GTF3C2: variants seen among roughly 807,000 people sequenced by gnomAD.
GTF3C2 encodes the protein general transcription factor 3C polypeptide 2.
A neutral mutation model predicts 117.4 loss-of-function variants in GTF3C2; 17 were observed. The ratio of observed to expected loss-of-function variants is 0.14; its 90% CI spans 0.10 to 0.22. GTF3C2 has a LOEUF of 0.22. GTF3C2 is among the 10% of genes least tolerant of loss of function. The probability of loss-of-function intolerance (pLI) is 1.00; values close to 1 mark genes in which losing one functional copy is unlikely to be tolerated. For missense variants in GTF3C2, 888 were observed against 1,143.6 expected, an observed-to-expected ratio of 0.78 and a Z score of 3.22; for synonymous variants, 437 against 427.0, an observed-to-expected ratio of 1.02 and a Z score of -0.29.
chr2:27,335,920 C>T, exon 9 of GTF3C2: 1 of 1,596,830 alleles, frequency 6.3e-7, no homozygotes. Flanking sequence ...GAAGTACCTT[C>T]CGAGGGGTGC....
At chr2:27,333,009 C>T (rs551711571) in intron 12 of GTF3C2, among the ~76,000 whole-genome samples, 9 of 151,892 alleles carry the variant, frequency 5.9e-5, no homozygotes, top group Middle Eastern at 3.4e-3. Context: ...CCACTGCACC[C>T]GGCAAAATTT....
chr2:27,335,751 TCA>T (rs1558615748), intron 9 of GTF3C2, 45 bp from the exon 10 acceptor site: 1 of 1,347,250 alleles, frequency 7.4e-7, no homozygotes, highest in East Asian at 2.5e-5. Context: ...TTCAGCTGAC[TCA>T]CAGAAAACCT....
At chr2:27,335,375 A>C in intron 10 of GTF3C2, 1 of 676,170 alleles carries the variant, frequency 1.5e-6, no homozygotes. Flanking sequence ...AGAGGGAAGA[A>C]GGGGGAGATA....
Position 27,337,576 on chromosome 2 carries a change from G to T in GTF3C2, c.951-18C>A. ...GCTCTCGGCTGGAGAAACAGAAGAA[G>T]CATTAATGAAGGAGAGGGATTCTAC... is the stretch of plus-strand genomic sequence containing the variant. On this transcript the variant is annotated intron_variant, in intron 5 of 18. Coordinates refer to ENST00000264720, the Ensembl canonical transcript of GTF3C2. 2 of 1,548,672 alleles carry T rather than the reference G, an allele frequency of 1.3e-6. No individual in the cohort carries two copies. Among genetic ancestry groups the T allele is most frequent in the Non-Finnish European group, 1.8e-6 (2 of 1,120,696 alleles).
chr2:27,351,349 G>A (rs1681130483), intron 1 of GTF3C2, among the ~76,000 whole-genome samples: 1 of 152,188 alleles, frequency 6.6e-6, no homozygotes, highest in African/African-American at 2.4e-5. Flanking sequence ...GGAAGGTGGA[G>A]GCTGCAGTGA....
chr2:27,348,161 G>T (rs998852337), intron 1 of GTF3C2, among the ~76,000 whole-genome samples: 48 of 152,184 alleles, frequency 3.2e-4, no homozygotes, highest in African/African-American at 8.7e-4. Flanking sequence ...CAGCTACTTG[G>T]GAGGCTGACG....
chr2:27,336,827 C>CA, intron 7 of GTF3C2: 1 of 216,374 alleles, frequency 4.6e-6, no homozygotes, highest in Non-Finnish European at 9.2e-6. Flanking sequence ...CTAGGCTGGT[C>CA]TTGAACTCGT....
At chr2:27,356,470 C>A in intron 1 of GTF3C2, 1 of 237,066 alleles carries the variant, frequency 4.2e-6, no homozygotes, top group South Asian at 5.3e-5. Context: ...CGCCTACGCC[C>A]GGACACAGGC....
chr2:27,333,874 A>C, intron 11 of GTF3C2, 90 bp from the exon 12 acceptor site: 1 of 1,475,766 alleles, frequency 6.8e-7, no homozygotes, highest in Non-Finnish European at 9.5e-7. Flanking sequence ...CAGCAGGATG[A>C]GGGTATTTTT....
chr2:27,332,761 G>A lies in GTF3C2; in HGVS notation c.1732+894C>T, dbSNP rs1680323883. 2.0e-5 allele frequency among the ~76,000 whole-genome samples: 3 copies of A among 151,566 alleles called. No individual in the cohort carries two copies. The East Asian group carries it at 5.8e-4, about 29-fold the overall frequency. ...AGATGGAGTCTCCCTCTGTTGCCAG[G>A]CTGGAGTGCAGTGGCATGATCTTGG... On this transcript the variant is annotated intron_variant, in intron 12 of 18. Transcript: ENST00000264720.
exon 4 of GTF3C2, chr2:27,342,089 C>T (rs1281110837): frequency 6.2e-7 from 1 of 1,614,070 alleles, no homozygotes; most frequent in African/African-American, 1.3e-5. Flanking sequence ...CACCATCCAC[C>T]TCTTCTCCAC....
chr2:27,333,942 G>A, intron 11 of GTF3C2, 32 bp downstream of exon 11: 1 of 1,569,854 alleles, frequency 6.4e-7, no homozygotes. Flanking sequence ...AGAAGATGGA[G>A]CCTCAGCTAA....
chr2:27,344,325 A>G (rs1680843692), intron 1 of GTF3C2, among the ~76,000 whole-genome samples: 1 of 152,188 alleles, frequency 6.6e-6, no homozygotes, highest in Non-Finnish European at 1.5e-5. Flanking sequence ...GCGCCTGGCC[A>G]TAAAGCTTCC....
intron 1 of GTF3C2, among the ~76,000 whole-genome samples, chr2:27,345,568 G>C (rs1056098370): frequency 2.0e-5 from 3 of 151,978 alleles, no homozygotes; most frequent in Admixed American, 2.0e-4. Context: ...ACTCCAGCCT[G>C]GGTGACAGAG....
exon 12 of GTF3C2, chr2:27,333,698 C>A: frequency 6.2e-7 from 1 of 1,612,074 alleles, no homozygotes; most frequent in Non-Finnish European, 8.5e-7. Context: ...GCCTGGTAGG[C>A]ATCCAGGCCA....
In GTF3C2 at chr2:27,338,866, CTG is replaced by C. The variant is rs548483432; in HGVS notation, c.856-848_856-847del. ...TTTAAAATTTAGAGACAGGGTCTTG[CTG>C]TGTTGCCCATGCCAGACTTGAACTC... On this transcript the variant is annotated intron_variant, in intron 4 of 18. Transcript: ENST00000264720. 8.0e-3 allele frequency among the ~76,000 whole-genome samples: 1,210 copies of C among 151,248 alleles called. 9 individuals carry two copies. Among genetic ancestry groups the C allele is most frequent in the Middle Eastern group, 0.014 (4 of 294 alleles).
chr2:27,336,124 T>C, intron 8 of GTF3C2, 74 bp downstream of exon 8: 1 of 1,413,462 alleles, frequency 7.1e-7, no homozygotes, highest in Non-Finnish European at 1.0e-6. Flanking sequence ...TCCAAGCCCT[T>C]CCCCCTATCC....
intron 11 of GTF3C2, 94 bp downstream of exon 11, chr2:27,333,880 T>C: frequency 6.8e-7 from 1 of 1,478,612 alleles, no homozygotes; most frequent in Non-Finnish European, 9.5e-7. Context: ...GATGAGGGTA[T>C]TTTTCAGAAG....
intron 4 of GTF3C2, chr2:27,339,927 C>CAGTGAGATG (rs965258468): frequency 7.2e-6 from 1 of 139,086 alleles, no homozygotes; most frequent in African/African-American, 2.7e-5. Flanking sequence ...GCAGAGGTTG[C>CAGTGAGATG]AGTGAGATGA....
Sources: allele counts gnomAD v4.1 joint callset (sites outside exome capture counted in the v4.1 genomes callset), GRCh38; gene constraint gnomAD v4.1.1; transcripts MANE v1.5; gene names NCBI Gene and HGNC (gene_info 2026-07-23, HGNC 2026-07-21).